Variants in NRXN2 observed in about 807,000 individuals in gnomAD.
NRXN2 encodes neurexin 2.
In NRXN2, 29 loss-of-function variants were observed where a neutral mutation model predicts 128.8. The observed-to-expected ratio is 0.23, with a 90% CI of 0.17 to 0.31. The LOEUF (loss-of-function observed/expected upper bound fraction) is 0.31. NRXN2 is among the 10% of genes least tolerant of loss of function. The probability of loss-of-function intolerance (pLI) is 1.00; values close to 1 mark genes in which losing one functional copy is unlikely to be tolerated. For missense variants in NRXN2, 1,881 were observed against 2,452.6 expected (o/e 0.77, Z 4.92); for synonymous variants, 1,098 against 1,075.2 (o/e 1.02, Z -0.41).
chr11:64,686,945 T>C (rs115520337), intron 5 of NRXN2, among the ~76,000 whole-genome samples: 268 of 152,158 alleles, frequency 1.8e-3, no homozygotes, highest in African/African-American at 5.8e-3. Context: ...TACCAAGAAG[T>C]TGAGGTTTCT....
intron 6 of NRXN2, among the ~76,000 whole-genome samples, chr11:64,682,868 G>A (rs1051509084): frequency 1.3e-5 from 2 of 152,160 alleles, no homozygotes; most frequent in African/African-American, 4.8e-5. Context: ...AGGAGAGAGA[G>A]GAGAGAAGGA....
intron 2 of NRXN2, among the ~76,000 whole-genome samples, chr11:64,704,671 G>GAGAGAGAGAGA (rs1441970190): frequency 1.4e-5 from 2 of 141,322 alleles, no homozygotes; most frequent in Non-Finnish European, 3.0e-5. Context: ...GAGAGAGAGA[G>GAGAGAGAGAGA]ATGTCAGTTG....
intron 1 of NRXN2, among the ~76,000 whole-genome samples, chr11:64,720,467 C>T (rs141656192): frequency 2.6e-3 from 395 of 151,262 alleles, no homozygotes; most frequent in African/African-American, 8.7e-3. Context: ...AGGATTAATG[C>T]GGGGGGTGGG....
In NRXN2 at chr11:64,607,650, G is replaced by A; in HGVS notation, c.4685C>T (p.Ala1562Val). The part of the protein sequence containing the change: ...APSAPAPNLP[A>V]GKMNHRDPLQ... ...CGGGTCTCGGTGGTTCATTTTGCCC[G>A]CCGGCAGGTTGGGGGCCGGGGCGGA... Residue 1562 changes from alanine to valine, a missense_variant, in exon 23 of 23, where the codon GCG (alanine) becomes GTG (valine). Ala to Val is a moderately conservative substitution (Grantham distance 64). This residue lies in a region of NRXN2 where 310 missense variants were observed against 318.2 expected (regional missense o/e 0.97). Transcript: ENST00000265459. 3 of 1,521,028 alleles carry A rather than the reference G, an allele frequency of 2.0e-6. No homozygotes were observed. Among genetic ancestry groups the A allele is most frequent in the East Asian group, 2.5e-5 (1 of 40,572 alleles). 94.2% of individuals were successfully genotyped at this position (1,521,028 alleles called of 1,614,324 possible).
At chr11:64,618,455 C>T (rs2041853738) in intron 22 of NRXN2, among the ~76,000 whole-genome samples, 1 of 152,220 alleles carries the variant, frequency 6.6e-6, no homozygotes, top group African/African-American at 2.4e-5. Flanking sequence ...TCTTCAGGAC[C>T]CTCAAAGACC....
chr11:64,673,828 C>T (rs1447646870), intron 7 of NRXN2, among the ~76,000 whole-genome samples: 1 of 151,994 alleles, frequency 6.6e-6, no homozygotes, highest in East Asian at 1.9e-4. Flanking sequence ...TGCCTGAGCT[C>T]AGCAGTTCGA....
intron 22 of NRXN2, among the ~76,000 whole-genome samples, chr11:64,612,605 C>T (rs1446307487): frequency 6.6e-6 from 1 of 152,242 alleles, no homozygotes; most frequent in African/African-American, 2.4e-5. Flanking sequence ...CCTCTGGGGA[C>T]TGCTGGCCCA....
In NRXN2 at chr11:64,688,341, C is replaced by A. The variant is rs145583393; in HGVS notation, c.850+2064G>T. ...AGACGCCAAGAGGCCTGAGGAGCAGCCAAAGAGAACCTGAAAGCCTTCGAG... is the reference window on the plus strand; with the variant it reads ...AGACGCCAAGAGGCCTGAGGAGCAGACAAAGAGAACCTGAAAGCCTTCGAG... On this transcript the variant is annotated intron_variant, in intron 5 of 22. Coordinates refer to ENST00000265459, the MANE Select transcript of NRXN2 (RefSeq NM_015080.4). 189 of 985,234 alleles carry A rather than the reference C, an allele frequency of 1.9e-4. No homozygotes were observed. The East Asian group carries it at 0.019, about 98-fold the overall frequency. The allele number at this position is 985,234 out of a possible 1,614,324, so 61.0% of individuals were successfully genotyped here.
At chr11:64,717,663 C>T (rs1444795316) in intron 1 of NRXN2, among the ~76,000 whole-genome samples, 1 of 152,264 alleles carries the variant, frequency 6.6e-6, no homozygotes, top group Non-Finnish European at 1.5e-5. Flanking sequence ...CCACTGAAGC[C>T]TCTGGGCTGC....
intron 6 of NRXN2, among the ~76,000 whole-genome samples, chr11:64,679,237 T>C (rs1485790823): frequency 6.6e-6 from 1 of 152,210 alleles, no homozygotes; most frequent in Non-Finnish European, 1.5e-5. Context: ...AAAATCCAAT[T>C]ACTACTCTTT....
intron 4 of NRXN2, 148 bp downstream of exon 4, chr11:64,692,699 G>T: frequency 1.4e-6 from 1 of 701,884 alleles, no homozygotes; most frequent in Non-Finnish European, 2.6e-6. Context: ...TTAAGAAATG[G>T]CAAAGGAAGC....
chr11:64,693,017 A>T, intron 3 of NRXN2, 141 bp from the exon 4 acceptor site: 1 of 772,422 alleles, frequency 1.3e-6, no homozygotes, highest in African/African-American at 1.8e-5. Flanking sequence ...GCCACAATTT[A>T]AAAACCTTTT....
At chr11:64,638,266 G>T (rs1409663163) in intron 17 of NRXN2, among the ~76,000 whole-genome samples, 1 of 152,344 alleles carries the variant, frequency 6.6e-6, no homozygotes, top group South Asian at 2.1e-4. Flanking sequence ...GCCTAAGGGC[G>T]TTTATTACAC....
intron 7 of NRXN2, among the ~76,000 whole-genome samples, chr11:64,670,674 A>G (rs912900636): frequency 9.2e-5 from 14 of 152,310 alleles, no homozygotes; most frequent in African/African-American, 3.1e-4. Context: ...TAATCTGAAC[A>G]TAATCCAGGG....
Position 64,630,565 on chromosome 11 carries a change from G to A in NRXN2, c.3594C>T (p.Gly1198=), listed in dbSNP as rs749350599. ...CCACGTTAAAGATCACCCCCACGGT[G>A]CCCTGGTCCTGGGGACATGGAGGTG... is the stretch of plus-strand genomic sequence containing the variant. ...GDYLQLHIDQ[G]TVGVIFNVGT... The change falls in exon 19 of 23, where the codon GGC becomes GGT. Residue 1198 remains glycine, a synonymous_variant. Transcript: ENST00000265459. This position sits in a 1 kb window ranked among gnomAD's most constrained non-coding sequence, Gnocchi z 4.6. The A allele has an allele frequency of 1.2e-6, 2 of 1,613,776 alleles. No homozygotes were observed. Among genetic ancestry groups the A allele is most frequent in the Non-Finnish European group, 1.7e-6 (2 of 1,180,024 alleles).
At chr11:64,699,714 T>C (rs968541673) in intron 2 of NRXN2, among the ~76,000 whole-genome samples, 4 of 152,172 alleles carry the variant, frequency 2.6e-5, no homozygotes, top group African/African-American at 9.7e-5. Flanking sequence ...TGCCCAGCAA[T>C]AGTTTTCTTA....
chr11:64,649,518 C>A (rs1278592729), intron 15 of NRXN2, among the ~76,000 whole-genome samples: 1 of 152,230 alleles, frequency 6.6e-6, no homozygotes, highest in African/African-American at 2.4e-5. Context: ...GCCCTGGCCA[C>A]GGGCTCAGTA....
rs116289151 is a variant in NRXN2 at position 64,625,056 on chromosome 11, C to T, written c.3847+1407G>A. ...ACAGAAAAGTGAGTTCCTTCTTTCA[C>T]ACTTCGGGCACTACCTCTCTAATCC... On this transcript the variant is annotated intron_variant, in intron 20 of 22. Coordinates refer to ENST00000265459, the MANE Select transcript of NRXN2 (RefSeq NM_015080.4). Among the ~76,000 whole-genome samples, 1,183 of 152,342 alleles carry T rather than the reference C, an allele frequency of 7.8e-3. 14 individuals are homozygous for T. Among genetic ancestry groups the T allele is most frequent in the African/African-American group, 0.026 (1,071 of 41,584 alleles).
In NRXN2 at chr11:64,697,731, T is replaced by C. The variant is rs1456575591; in HGVS notation, c.748+44A>G. ...GACAGTCCCTCATGTAGGATCCCCATGGCAACAGATCCACTACCCCAGTGA... is the reference window on the plus strand; with the variant it reads ...GACAGTCCCTCATGTAGGATCCCCACGGCAACAGATCCACTACCCCAGTGA... On this transcript the variant is annotated intron_variant, in intron 3 of 22. Coordinates refer to ENST00000265459, the MANE Select transcript of NRXN2 (RefSeq NM_015080.4). 1.9e-6 allele frequency: 3 copies of C among 1,611,770 alleles called. No individual in the cohort carries two copies. In the African/African-American group the frequency reaches 4.0e-5, roughly 22 times the overall value.
Sources: allele counts gnomAD v4.1 joint callset (sites outside exome capture counted in the v4.1 genomes callset), GRCh38; gene constraint gnomAD v4.1.1; regional missense constraint gnomAD v4.1.1; non-coding constraint Gnocchi (gnomAD v3.1); transcripts MANE v1.5; gene names NCBI Gene and HGNC (gene_info 2026-07-23, HGNC 2026-07-21).